DPYD: variants seen among roughly 807,000 people sequenced by gnomAD.
The protein encoded by DPYD is dihydropyrimidine dehydrogenase, also known as dihydropyrimidine dehydrogenase [NADP(+)].
Under a neutral mutation model 116.2 loss-of-function variants are expected in DPYD, and 109 were observed. That is an observed-to-expected ratio of 0.94 (90% confidence interval 0.80 to 1.10). The LOEUF is 1.10. Ranked by LOEUF, DPYD falls within the 50% of genes least tolerant of loss-of-function variation. The probability of loss-of-function intolerance (pLI) is 0.00; values close to 1 mark genes in which losing one functional copy is unlikely to be tolerated. For synonymous variants in DPYD, 440 were observed against 432.0 expected, an observed-to-expected ratio of 1.02 and a Z score of -0.23; for missense variants, 1,302 against 1,254.5, an observed-to-expected ratio of 1.04 and a Z score of -0.57.
Position 97,133,855 on chromosome 1 carries a change from C to T in DPYD, c.2623-35223G>A, listed in dbSNP as rs201711420. ...TCTACTAAAAATACAAAAAATTAGC[C>T]AGGTGTTACGGCATGCGCCTGTAGT... On this transcript the variant is annotated intron_variant, in intron 20 of 22. Coordinates refer to ENST00000370192, the MANE Select transcript of DPYD (RefSeq NM_000110.4). Among the ~76,000 whole-genome samples the T allele has an allele frequency of 2.0e-5, 3 of 150,734 alleles. No individual in the cohort carries two copies. In the East Asian group the frequency reaches 5.9e-4, roughly 29 times the overall value.
At chr1:97,339,437 T>A (rs1175524704) in intron 16 of DPYD, among the ~76,000 whole-genome samples, 3 of 152,102 alleles carry the variant, frequency 2.0e-5, no homozygotes, top group Non-Finnish European at 4.4e-5. Flanking sequence ...GAACAAAAAA[T>A]AGTTTTCTTA....
intron 18 of DPYD, among the ~76,000 whole-genome samples, chr1:97,280,823 C>A (rs566767125): frequency 6.6e-6 from 1 of 152,070 alleles, no homozygotes; most frequent in Admixed American, 6.6e-5. Flanking sequence ...TGTTTCATTA[C>A]ACAGTAGGGA....
intron 8 of DPYD, among the ~76,000 whole-genome samples, chr1:97,620,121 T>A (rs1385981334): frequency 3.9e-5 from 6 of 152,222 alleles, no homozygotes; most frequent in African/African-American, 1.2e-4. Context: ...CAATCACTAT[T>A]CCAATTGATA....
intron 3 of DPYD, among the ~76,000 whole-genome samples, chr1:97,805,989 T>C (rs1855376): frequency 0.031 from 4,697 of 151,832 alleles, 237 homozygotes; most frequent in African/African-American, 0.1. Flanking sequence ...ACTGACCAAA[T>C]TCAAATCATA....
intron 8 of DPYD, among the ~76,000 whole-genome samples, chr1:97,615,639 A>T (rs1018519903): frequency 6.6e-6 from 1 of 152,130 alleles, no homozygotes; most frequent in Non-Finnish European, 1.5e-5. Context: ...TGACAAAAAA[A>T]TAACCTCCCA....
At chr1:97,596,547 G>A (rs977291300) in intron 8 of DPYD, among the ~76,000 whole-genome samples, 4 of 148,310 alleles carry the variant, frequency 2.7e-5, no homozygotes, top group South Asian at 2.1e-4. Flanking sequence ...AAAACATGTA[G>A]TTTTATTTTA....
At chr1:97,874,788 G>A (rs1414860209) in intron 2 of DPYD, among the ~76,000 whole-genome samples, 2 of 151,738 alleles carry the variant, frequency 1.3e-5, no homozygotes, top group Admixed American at 6.6e-5. Context: ...CATTTGCTTC[G>A]GTCAAAATAT....
At chr1:97,797,163 C>A (rs1429402084) in intron 3 of DPYD, 2 of 152,118 alleles carry the variant, frequency 1.3e-5, no homozygotes, top group Non-Finnish European at 2.9e-5. Flanking sequence ...ATACATTTAT[C>A]TTGCTTTCTT....
At chr1:97,197,947 C>T (rs1658929307) in intron 19 of DPYD, among the ~76,000 whole-genome samples, 1 of 152,150 alleles carries the variant, frequency 6.6e-6, no homozygotes. Context: ...AATCATATGG[C>T]AAATGTCACA....
chr1:97,505,194 A>T (rs1026786685), intron 13 of DPYD, among the ~76,000 whole-genome samples: 9 of 152,068 alleles, frequency 5.9e-5, no homozygotes, highest in African/African-American at 2.2e-4. Flanking sequence ...CAGTAGTTGT[A>T]TTATGATTAA....
At chr1:97,266,620 G>A (rs1664248502) in intron 18 of DPYD, among the ~76,000 whole-genome samples, 2 of 152,018 alleles carry the variant, frequency 1.3e-5, no homozygotes, top group South Asian at 4.2e-4. Flanking sequence ...ATGTTGGTTT[G>A]CTGCACCCAT....
At chr1:97,338,153 A>G (rs1250804868) in intron 16 of DPYD, among the ~76,000 whole-genome samples, 1 of 152,182 alleles carries the variant, frequency 6.6e-6, no homozygotes, top group East Asian at 1.9e-4. Flanking sequence ...CCCCACAGCT[A>G]TTTTTACTGA....
intron 16 of DPYD, among the ~76,000 whole-genome samples, chr1:97,332,639 G>T (rs1460764402): frequency 6.6e-6 from 1 of 152,102 alleles, no homozygotes; most frequent in Non-Finnish European, 1.5e-5. Flanking sequence ...TAATAGAAAA[G>T]ATATTGCACT....
At chr1:97,398,121 G>A (rs1018104053) in intron 14 of DPYD, among the ~76,000 whole-genome samples, 21 of 151,846 alleles carry the variant, frequency 1.4e-4, no homozygotes, top group African/African-American at 3.6e-4. Context: ...AACAGGCCCC[G>A]GTGTGTGATG....
At chr1:97,738,815 T>C (rs1405458189) in intron 4 of DPYD, among the ~76,000 whole-genome samples, 1 of 152,018 alleles carries the variant, frequency 6.6e-6, no homozygotes, top group Non-Finnish European at 1.5e-5. Flanking sequence ...AGGTAAAGAA[T>C]ATGAACAAAT....
intron 20 of DPYD, among the ~76,000 whole-genome samples, chr1:97,154,328 A>AAATAATG (rs1375991566): frequency 2.6e-5 from 4 of 152,216 alleles, no homozygotes; most frequent in Non-Finnish European, 5.9e-5. Flanking sequence ...AAAAGGAATG[A>AAATAATG]AATAATGGCA....
chr1:97,461,094 G>A lies in DPYD; in HGVS notation c.1741-10871C>T, dbSNP rs1676996252. Among the ~76,000 whole-genome samples the A allele has an allele frequency of 2.0e-5, 3 of 151,196 alleles. No individual in the cohort carries two copies. The South Asian group carries it at 6.3e-4, about 32-fold the overall frequency. ...CTTACACTTTTCACCTATTCTTAAG[G>A]CTACTACCTGGGACACTTTATCTGC... is the stretch of plus-strand genomic sequence containing the variant. On this transcript the variant is annotated intron_variant, in intron 13 of 22. Coordinates refer to ENST00000370192, the MANE Select transcript of DPYD (RefSeq NM_000110.4).
chr1:97,211,249 C>G (rs1310110954), intron 19 of DPYD, among the ~76,000 whole-genome samples: 1 of 152,158 alleles, frequency 6.6e-6, no homozygotes, highest in African/African-American at 2.4e-5. Flanking sequence ...TCCATACTTT[C>G]CCATAGCTGG....
chr1:97,323,645 GTATATATACACGTATATATACATATCA>G (rs1668538353), intron 16 of DPYD, among the ~76,000 whole-genome samples: 4 of 47,202 alleles, frequency 8.5e-5, no homozygotes, highest in African/African-American at 2.6e-4. Flanking sequence ...ACATATATGT[GTATATATACACGTATATATACATATCA>G]TATATATACA....
Sources: allele counts gnomAD v4.1 joint callset (sites outside exome capture counted in the v4.1 genomes callset), GRCh38; gene constraint gnomAD v4.1.1; transcripts MANE v1.5; gene names NCBI Gene and HGNC (gene_info 2026-07-23, HGNC 2026-07-21).